Variants in ITSN1 observed in about 807,000 individuals in gnomAD.
ITSN1 encodes intersectin-1.
A neutral mutation model predicts 239.8 loss-of-function variants in ITSN1; 58 were observed. The ratio of observed to expected loss-of-function variants is 0.24; its 90% CI spans 0.20 to 0.30. ITSN1 has a LOEUF of 0.30. Among genes scored for constraint, ITSN1 ranks in the 10% least tolerant of loss-of-function variants. ITSN1 has a pLI of 1.00. For synonymous variants in ITSN1, 780 were observed against 770.8 expected (o/e 1.01, Z -0.20); for missense variants, 1,558 against 2,103.3 (o/e 0.74, Z 5.07).
At chr21:33,751,359 A>G (rs2067540979) in intron 6 of ITSN1, among the ~76,000 whole-genome samples, 1 of 152,222 alleles carries the variant, frequency 6.6e-6, no homozygotes, top group Non-Finnish European at 1.5e-5. Flanking sequence ...CCCCAGTGAT[A>G]ATCAGACACA....
At chr21:33,833,415 A>G (rs2074409102) in intron 27 of ITSN1, among the ~76,000 whole-genome samples, 1 of 152,210 alleles carries the variant, frequency 6.6e-6, no homozygotes, top group African/African-American at 2.4e-5. Flanking sequence ...TATATTACCC[A>G]TAAAGGAGCA....
intron 1 of ITSN1, among the ~76,000 whole-genome samples, chr21:33,685,200 T>C (rs2091179417): frequency 6.6e-6 from 1 of 152,230 alleles, no homozygotes; most frequent in South Asian, 2.1e-4. Flanking sequence ...AAGGAGACAG[T>C]GTCTGCATTG....
chr21:33,778,659 A>G (rs1265260887), intron 14 of ITSN1, among the ~76,000 whole-genome samples: 1 of 125,550 alleles, frequency 8.0e-6, no homozygotes, highest in Non-Finnish European at 1.5e-5. Context: ...GCTCACTGCA[A>G]GCTCCGCCTC....
chr21:33,691,568 G>T (rs2091549575), intron 1 of ITSN1, among the ~76,000 whole-genome samples: 1 of 152,208 alleles, frequency 6.6e-6, no homozygotes, highest in African/African-American at 2.4e-5. Context: ...AAATTGCTAA[G>T]TGGAGACATC....
chr21:33,837,469 G>C, intron 29 of ITSN1: 3 of 986,146 alleles, frequency 3.0e-6, no homozygotes, highest in Non-Finnish European at 3.6e-6. Context: ...TCTGAGACTT[G>C]ATGTATTTTT....
At chr21:33,724,890 GGCCATCTTCCT>G (rs1294114274) in intron 4 of ITSN1, among the ~76,000 whole-genome samples, 1 of 151,712 alleles carries the variant, frequency 6.6e-6, no homozygotes, top group East Asian at 1.9e-4. Flanking sequence ...CCTGGACTCA[GGCCATCTTCCT>G]GCCTTTGCCT....
chr21:33,847,652 G>A (rs1186732162), intron 29 of ITSN1, among the ~76,000 whole-genome samples: 1 of 152,178 alleles, frequency 6.6e-6, no homozygotes, highest in African/African-American at 2.4e-5. Context: ...GAAGAGTGGA[G>A]TGTCAGATGG....
chr21:33,748,989 C>CTT (rs10714954), intron 5 of ITSN1, among the ~76,000 whole-genome samples: 7 of 140,396 alleles, frequency 5.0e-5, no homozygotes, highest in Admixed American at 3.5e-4. Context: ...AGCTTTTTTA[C>CTT]TTTTTTTTTT....
chr21:33,814,891 G>C (rs1167136904), intron 22 of ITSN1, among the ~76,000 whole-genome samples: 1 of 152,134 alleles, frequency 6.6e-6, no homozygotes, highest in Non-Finnish European at 1.5e-5. Context: ...AGCAGAAGAG[G>C]CGAGCACGTG....
rs148955435 is a variant in ITSN1, at chr21:33,727,533, A to G, written c.185+4882A>G. 4.5e-3 allele frequency among the ~76,000 whole-genome samples: 673 copies of G among 151,044 alleles called. 1 individual carries two copies. The highest frequency in any genetic ancestry group is 0.021 in the Middle Eastern group (6 of 292). Reference sequence around the variant, plus strand: ...AAACAGCCATATAGTCATAGTTTGTACTTTCTTAAGACACTCCTGAGTATG... The same window carrying G: ...AAACAGCCATATAGTCATAGTTTGTGCTTTCTTAAGACACTCCTGAGTATG... On this transcript the variant is annotated intron_variant, in intron 4 of 39. Transcript: ENST00000381318.
At chr21:33,660,629 G>T (rs993943541) in intron 1 of ITSN1, among the ~76,000 whole-genome samples, 1 of 152,160 alleles carries the variant, frequency 6.6e-6, no homozygotes, top group Non-Finnish European at 1.5e-5. Flanking sequence ...GGTTGAAATA[G>T]TTGAAGAAAA....
intron 1 of ITSN1, among the ~76,000 whole-genome samples, chr21:33,655,787 A>G (rs1007324591): frequency 2.0e-5 from 3 of 151,840 alleles, no homozygotes; most frequent in African/African-American, 7.3e-5. Context: ...GAATCACAGA[A>G]TAGTTTACCT....
At chr21:33,683,597 G>T (rs1039660325) in intron 1 of ITSN1, among the ~76,000 whole-genome samples, 1 of 152,040 alleles carries the variant, frequency 6.6e-6, no homozygotes, top group Non-Finnish European at 1.5e-5. Flanking sequence ...AATATTTTTT[G>T]TTCTCGGTAG....
chr21:33,704,947 AT>A (rs367804306), intron 1 of ITSN1, among the ~76,000 whole-genome samples: 1,307 of 87,092 alleles, frequency 0.015, 29 homozygotes, highest in African/African-American at 0.05. Flanking sequence ...AAAAAAAAAA[AT>A]ACAAACAAAA....
At chr21:33,691,050 T>C (rs2091523879) in intron 1 of ITSN1, among the ~76,000 whole-genome samples, 1 of 151,594 alleles carries the variant, frequency 6.6e-6, no homozygotes, top group South Asian at 2.1e-4. Context: ...CTTTCTTCCA[T>C]GCTCAGTTAA....
Position 33,829,683 on chromosome 21 carries a change from C to G in ITSN1, c.3289C>G (p.Pro1097Ala), listed in dbSNP as rs754177477. Residue 1097 changes from proline (P) to alanine (A), a missense_variant, in exon 27 of 40, where the codon CCT (proline) becomes GCT (alanine). Around this residue, in one of 2 missense-constraint regions of ITSN1, gnomAD observed 576 missense variants for 893.3 expected, o/e 0.64. Coordinates refer to ENST00000381318, the MANE Select transcript of ITSN1 (RefSeq NM_003024.3). ...ATGPEQLTLAPGQLILIRKKN... is the reference protein window; with the variant it reads ...ATGPEQLTLAAGQLILIRKKN... Reference sequence around the variant, plus strand: ...CGGCCCCGAGCAGCTCACTCTCGCCCCTGGTCAGCTGATTTTGATCCGAAA... The same window carrying G: ...CGGCCCCGAGCAGCTCACTCTCGCCGCTGGTCAGCTGATTTTGATCCGAAA... 1.9e-6 allele frequency: 3 copies of G among 1,612,770 alleles called. No homozygotes were observed. The South Asian group carries it at 3.3e-5, about 18-fold the overall frequency.
chr21:33,735,148 C>T lies in ITSN1; in HGVS notation c.290C>T (p.Ala97Val). 6.2e-7 allele frequency: 1 copy of T among 1,613,986 alleles called. No individual in the cohort carries two copies. Among genetic ancestry groups the T allele is most frequent in the Non-Finnish European group, 8.5e-7 (1 of 1,179,896 alleles). The change falls in exon 5 of 40, where the codon GCA becomes GTA. Residue 97 changes from alanine to valine, a missense_variant. Ala to Val is a moderately conservative substitution (Grantham distance 64, BLOSUM62 0). Transcript: ENST00000381318. ...LKLQGYQLPS[A>V]LPPVMKQQPV... ...CTACAAGGATATCAGCTACCCTCTG[C>T]ACTTCCCCCTGTCATGAAACAGCAA... is the stretch of plus-strand genomic sequence containing the variant.
intron 4 of ITSN1, among the ~76,000 whole-genome samples, chr21:33,731,769 A>G (rs1371057192): frequency 6.6e-6 from 1 of 152,222 alleles, no homozygotes; most frequent in African/African-American, 2.4e-5. Flanking sequence ...AACCATTTCT[A>G]ATAAGTAGAA....
chr21:33,827,600 C>T (rs892094837), intron 26 of ITSN1, among the ~76,000 whole-genome samples: 6 of 151,410 alleles, frequency 4.0e-5, no homozygotes, highest in African/African-American at 1.5e-4. Context: ...AGTGTAGGTC[C>T]CATTAATGTA....
Sources: gnomAD v4.1 joint callset for allele counts (sites outside exome capture counted in the v4.1 genomes callset) on GRCh38, gnomAD v4.1.1 for gene constraint, gnomAD v4.1.1 regional missense constraint, MANE v1.5 for transcripts, NCBI Gene and HGNC (gene_info 2026-07-23, HGNC 2026-07-21) for gene names.